Variants in VIPR1 observed in about 807,000 individuals in gnomAD.
VIPR1 encodes the protein vasoactive intestinal polypeptide receptor 1.
VIPR1 carries 59 observed loss-of-function variants against 58.8 expected under a neutral mutation model. That is an observed-to-expected ratio of 1.00 (90% CI 0.81 to 1.25). VIPR1 has a LOEUF of 1.25. VIPR1 is among the 50% of genes most tolerant of loss of function. The pLI is 0.00. For missense variants in VIPR1, 626 were observed against 602.7 expected (o/e 1.04, Z -0.40); for synonymous variants, 251 against 242.1 (o/e 1.04, Z -0.34).
In VIPR1 at chr3:42,502,764, G is replaced by T. The variant is rs1241212342; in HGVS notation, c.29G>T (p.Arg10Leu). The change falls in exon 1 of 13, where the codon CGC becomes CTC. Residue 10 changes from arginine (R) to leucine (L), a missense_variant. Transcript: ENST00000325123. Reference sequence around the variant, plus strand: ...CGCCCGCCAAGTCCGCTGCCCGCCCGCTGGCTATGCGTGCTGGCAGGCGCC... The same window carrying T: ...CGCCCGCCAAGTCCGCTGCCCGCCCTCTGGCTATGCGTGCTGGCAGGCGCC... MRPPSPLPA[R>L]WLCVLAGALA... The T allele has an allele frequency of 7.7e-7, 1 of 1,303,700 alleles. No individual in the cohort carries two copies. The highest frequency in any genetic ancestry group is 2.3e-5 in the South Asian group (1 of 42,830). The allele number at this position is 1,303,700 out of a possible 1,614,324, so 80.8% of individuals were successfully genotyped here. A position where few individuals can be genotyped will look rare whatever the true frequency, so the allele number is the denominator to read the frequency against.
chr3:42,517,469 G>A (rs889809193), intron 2 of VIPR1, among the ~76,000 whole-genome samples: 2 of 152,180 alleles, frequency 1.3e-5, no homozygotes, highest in Non-Finnish European at 2.9e-5. Flanking sequence ...CGGGCATGAA[G>A]CTTCTGAACA....
At chr3:42,490,304 C>T (rs537310758) in intron 1 of VIPR1, among the ~76,000 whole-genome samples, 1 of 152,366 alleles carries the variant, frequency 6.6e-6, no homozygotes, top group South Asian at 2.1e-4. Context: ...AAGGTTCACA[C>T]GAGCTGCAGC....
At chr3:42,493,378 C>T (rs546470325) in intron 1 of VIPR1, among the ~76,000 whole-genome samples, 4 of 152,302 alleles carry the variant, frequency 2.6e-5, no homozygotes, top group Non-Finnish European at 4.4e-5. Flanking sequence ...CACACTCCCA[C>T]GGCCGAGCAT....
chr3:42,537,551 A>G lies in VIPR1; in HGVS notation c.*1270A>G, dbSNP rs1701919874. The G allele has an allele frequency of 6.6e-6, 1 of 152,212 alleles. No individual in the cohort carries two copies. The highest frequency in any genetic ancestry group is 1.5e-5 in the Non-Finnish European group (1 of 68,044). 9.4% of individuals were successfully genotyped at this position (152,212 alleles called of 1,614,324 possible). On this transcript the variant is annotated 3_prime_UTR_variant, in exon 13 of 13. Coordinates refer to ENST00000325123, the MANE Select transcript of VIPR1 (RefSeq NM_004624.4). Reference sequence around the variant, plus strand: ...CAGGACTGCAACAGGCTTGTGCAACAATAAATGTTGGCTTGGATTGGCTTG... The same window carrying G: ...CAGGACTGCAACAGGCTTGTGCAACGATAAATGTTGGCTTGGATTGGCTTG...
intron 1 of VIPR1, among the ~76,000 whole-genome samples, chr3:42,508,508 T>A (rs1381225163): frequency 6.6e-6 from 1 of 152,196 alleles, no homozygotes; most frequent in Non-Finnish European, 1.5e-5. Flanking sequence ...GAAATCTGAA[T>A]TGACAGCTCA....
chr3:42,535,181 C>T (rs889353948), intron 11 of VIPR1, 77 bp downstream of exon 11: 2 of 1,607,450 alleles, frequency 1.2e-6, no homozygotes, highest in Non-Finnish European at 1.7e-6. Context: ...GCCCTTGCCA[C>T]TGGATTCCAA....
At position 42,536,345 on chromosome 3, in the gene VIPR1, CCGGGGACAGA is replaced by C; in HGVS notation, c.*65_*74del. The C allele has an allele frequency of 6.9e-7, 1 of 1,447,798 alleles. No individual in the cohort carries two copies. The allele number at this position is 1,447,798 out of a possible 1,614,324, so 89.7% of individuals were successfully genotyped here. A position where few individuals can be genotyped will look rare whatever the true frequency, so the allele number is the denominator to read the frequency against. On this transcript the variant is annotated 3_prime_UTR_variant, in exon 13 of 13. Transcript: ENST00000325123. ...CCCTTCCCACTCACCCCGGCAGACGCCGGGGACAGAGGCCTGCCCGGGCGCGGCCAGCCCC... is the reference window on the plus strand; with the variant it reads ...CCCTTCCCACTCACCCCGGCAGACGCGGCCTGCCCGGGCGCGGCCAGCCCC...
At chr3:42,514,435 T>C (rs1260120434) in intron 2 of VIPR1, among the ~76,000 whole-genome samples, 1 of 151,950 alleles carries the variant, frequency 6.6e-6, no homozygotes, top group Non-Finnish European at 1.5e-5. Context: ...TCTGGAAAGA[T>C]GTGGAATACT....
intron 1 of VIPR1, among the ~76,000 whole-genome samples, chr3:42,510,003 T>C (rs1700288731): frequency 6.6e-6 from 1 of 152,148 alleles, no homozygotes. Context: ...GTCTCCTGCT[T>C]CAAGTCTCTG....
intron 1 of VIPR1, among the ~76,000 whole-genome samples, chr3:42,505,426 C>A (rs920004864): frequency 3.0e-4 from 45 of 152,258 alleles, no homozygotes; most frequent in African/African-American, 1.1e-3. Context: ...CCTTGCCTTG[C>A]CACCGGCATC....
intron 1 of VIPR1, among the ~76,000 whole-genome samples, chr3:42,510,830 G>A (rs1700327814): frequency 6.6e-6 from 1 of 152,184 alleles, no homozygotes; most frequent in African/African-American, 2.4e-5. Context: ...GAAGGGCTGT[G>A]TGTCTGTGCT....
At chr3:42,518,461 G>C (rs566472944) in intron 2 of VIPR1, among the ~76,000 whole-genome samples, 1 of 152,196 alleles carries the variant, frequency 6.6e-6, no homozygotes, top group South Asian at 2.1e-4. Context: ...TGTGTTGGCC[G>C]GGCGCGGTGG....
At chr3:42,507,777 T>C (rs890854515) in intron 1 of VIPR1, 2 of 152,132 alleles carry the variant, frequency 1.3e-5, no homozygotes, top group African/African-American at 4.8e-5. Context: ...GTTCTGCTAA[T>C]TATGAGAGCC....
chr3:42,531,930 C>T (rs55940287), intron 9 of VIPR1, 61 bp downstream of exon 9: 34,528 of 1,588,576 alleles, frequency 0.022, 1,368 homozygotes, highest in African/African-American at 0.17. Context: ...GGCAACTTAG[C>T]CCAAGGTCAC....
chr3:42,530,697 T>C, intron 6 of VIPR1, 82 bp from the exon 7 acceptor site: 1 of 1,501,300 alleles, frequency 6.7e-7, no homozygotes, highest in East Asian at 2.3e-5. Flanking sequence ...TGCAACTGTG[T>C]TTGTCCCCCC....
intron 1 of VIPR1, chr3:42,507,138 C>T (rs1030808040): frequency 5.3e-5 from 8 of 152,208 alleles, no homozygotes; most frequent in African/African-American, 1.7e-4. Context: ...ACTGTCATTA[C>T]ACACCTAACA....
rs572624548 is a variant in VIPR1, at chr3:42,513,630, G to A, written c.79-119G>A. ...AGGTTTCAGTCTTGGGTTGGTATTG[G>A]GGTTCCATCTGGAACTTGGATCTCT... On this transcript the variant is annotated intron_variant, in intron 1 of 12. Coordinates refer to ENST00000325123, the MANE Select transcript of VIPR1 (RefSeq NM_004624.4). 49 of 1,058,554 alleles carry A rather than the reference G, an allele frequency of 4.6e-5. 1 individual carries two copies. The highest frequency in any genetic ancestry group is 1.1e-4 in the African/African-American group (7 of 63,192). The allele number at this position is 1,058,554 out of a possible 1,614,324, so 65.6% of individuals were successfully genotyped here.
chr3:42,530,492 T>C (rs1577251582), intron 6 of VIPR1: 2 of 352,358 alleles, frequency 5.7e-6, no homozygotes, highest in Non-Finnish European at 1.1e-5. Context: ...CATGGATAGG[T>C]GGGTAGATGA....
intron 3 of VIPR1, among the ~76,000 whole-genome samples, chr3:42,520,969 A>G (rs750362768): frequency 2.6e-5 from 4 of 152,082 alleles, no homozygotes. Context: ...CTGGGCAGAT[A>G]AGAGATGAGT....
Sources: gnomAD v4.1 joint callset for allele counts (sites outside exome capture counted in the v4.1 genomes callset) on GRCh38, gnomAD v4.1.1 for gene constraint, MANE v1.5 for transcripts, NCBI Gene and HGNC (gene_info 2026-07-23, HGNC 2026-07-21) for gene names.